VPS53: variants seen among roughly 807,000 people sequenced by gnomAD.
VPS53 encodes the protein VPS53 subunit of GARP complex, also known as vacuolar protein sorting-associated protein 53 homolog.
Under a neutral mutation model 107.0 loss-of-function variants are expected in VPS53, and 70 were observed. The ratio of observed to expected loss-of-function variants is 0.65; its 90% CI spans 0.54 to 0.80. The LOEUF (loss-of-function observed/expected upper bound fraction) is 0.80. VPS53 is among the 30% of genes least tolerant of loss of function. VPS53 has a pLI of 0.00. For synonymous variants in VPS53, 409 were observed against 393.3 expected (o/e 1.04, Z -0.47); for missense variants, 917 against 1,049.4 (o/e 0.87, Z 1.74).
At chr17:647,608 C>T (rs1449929217) in intron 7 of VPS53, among the ~76,000 whole-genome samples, 3 of 152,102 alleles carry the variant, frequency 2.0e-5, no homozygotes, top group Non-Finnish European at 2.9e-5. Flanking sequence ...GTCCTGTTCG[C>T]CTGCTTTCTT....
At chr17:704,690 T>C (rs1377040937) in intron 2 of VPS53, among the ~76,000 whole-genome samples, 4 of 152,172 alleles carry the variant, frequency 2.6e-5, no homozygotes, top group African/African-American at 9.7e-5. Flanking sequence ...TACATTATCA[T>C]ATACCTGGGG....
chr17:637,297 T>C (rs1679558988), intron 7 of VPS53, among the ~76,000 whole-genome samples: 2 of 152,260 alleles, frequency 1.3e-5, no homozygotes, highest in South Asian at 4.1e-4. Context: ...ATCTATTTGA[T>C]TCTTCTCTCT....
At chr17:534,012 G>T (rs1909815904) in intron 18 of VPS53, among the ~76,000 whole-genome samples, 1 of 151,978 alleles carries the variant, frequency 6.6e-6, no homozygotes, top group Non-Finnish European at 1.5e-5. Flanking sequence ...GCTAATTTTT[G>T]TATTTTTAGT....
At chr17:665,022 C>T (rs1042741127) in intron 4 of VPS53, among the ~76,000 whole-genome samples, 49 of 152,120 alleles carry the variant, frequency 3.2e-4, no homozygotes, top group African/African-American at 8.7e-4. Context: ...GGTGCCTGTG[C>T]TATGGCTGGA....
At chr17:680,555 C>T (rs919665095) in intron 4 of VPS53, among the ~76,000 whole-genome samples, 3 of 152,188 alleles carry the variant, frequency 2.0e-5, no homozygotes, top group African/African-American at 7.2e-5. Flanking sequence ...ATATTCAGTA[C>T]ATGCTGAGAG....
intron 12 of VPS53, among the ~76,000 whole-genome samples, chr17:594,317 T>TAATA (rs758401300): frequency 1.3e-5 from 2 of 152,276 alleles, no homozygotes; most frequent in African/African-American, 4.8e-5. Context: ...TAAAGTATAA[T>TAATA]AATAAATAAA....
intron 18 of VPS53, among the ~76,000 whole-genome samples, chr17:533,401 G>A (rs199747748): frequency 6.6e-6 from 1 of 152,164 alleles, no homozygotes; most frequent in East Asian, 1.9e-4. Flanking sequence ...GAGCCACTGG[G>A]CCAGGCTTCC....
At chr17:654,936 G>A (rs1030242927) in intron 6 of VPS53, among the ~76,000 whole-genome samples, 3 of 152,086 alleles carry the variant, frequency 2.0e-5, no homozygotes, top group African/African-American at 7.2e-5. Flanking sequence ...CCCTCTGGCC[G>A]CTGCTCTCAC....
At chr17:574,627 TG>T (rs1360516057) in intron 13 of VPS53, among the ~76,000 whole-genome samples, 1 of 151,948 alleles carries the variant, frequency 6.6e-6, no homozygotes, top group African/African-American at 2.4e-5. Flanking sequence ...TAGCCAGGTG[TG>T]GTGGTGTGTG....
chr17:681,473 G>A (rs186590832), intron 4 of VPS53, among the ~76,000 whole-genome samples: 19 of 152,292 alleles, frequency 1.2e-4, no homozygotes, highest in African/African-American at 4.3e-4. Flanking sequence ...CACTGCTGGG[G>A]TGTCTCTGCA....
intron 4 of VPS53, among the ~76,000 whole-genome samples, chr17:696,926 G>A (rs1358915539): frequency 1.3e-5 from 2 of 151,504 alleles, no homozygotes; most frequent in Admixed American, 6.6e-5. Context: ...CTGAGTAGCT[G>A]GGATTACAGG....
At chr17:619,782 C>T (rs1385774995) in intron 11 of VPS53, among the ~76,000 whole-genome samples, 2 of 141,604 alleles carry the variant, frequency 1.4e-5, no homozygotes, top group Admixed American at 6.9e-5. Flanking sequence ...CACCACGCCC[C>T]GCTAATATTT....
At chr17:679,253 C>T (rs904672511) in intron 4 of VPS53, among the ~76,000 whole-genome samples, 2 of 152,086 alleles carry the variant, frequency 1.3e-5, no homozygotes, top group Admixed American at 1.3e-4. Flanking sequence ...CGGTGGCTCA[C>T]ACCTGTCATC....
At chr17:701,716 A>G (rs989466210) in intron 2 of VPS53, among the ~76,000 whole-genome samples, 1 of 151,818 alleles carries the variant, frequency 6.6e-6, no homozygotes, top group Non-Finnish European at 1.5e-5. Flanking sequence ...GATAGCAAGT[A>G]TTTTTATAAT....
intron 17 of VPS53, among the ~76,000 whole-genome samples, chr17:541,254 C>T (rs142104876): frequency 6.6e-6 from 1 of 152,324 alleles, no homozygotes; most frequent in African/African-American, 2.4e-5. Flanking sequence ...TTATAGGTAC[C>T]TTCGGCAAGT....
At chr17:551,067 C>T (rs72808268) in intron 17 of VPS53, among the ~76,000 whole-genome samples, 15,577 of 151,836 alleles carry the variant, frequency 0.1, 876 homozygotes, top group Middle Eastern at 0.13. Flanking sequence ...AAAGATAATA[C>T]GTAAATAAAG....
intron 12 of VPS53, among the ~76,000 whole-genome samples, chr17:592,552 C>T (rs551475761): frequency 2.5e-4 from 38 of 152,114 alleles, no homozygotes; most frequent in East Asian, 1.4e-3. Flanking sequence ...CCATGTTTAG[C>T]GCTTCCTTCA....
rs1225737789 is a variant in VPS53, at chr17:512,848, C to A, written c.*6280G>T. The A allele has an allele frequency of 6.6e-6, 1 of 152,118 alleles. No individual in the cohort carries two copies. The highest frequency in any genetic ancestry group is 1.9e-4 in the East Asian group (1 of 5,198). The allele number at this position is 152,118 out of a possible 1,614,324, so 9.4% of individuals were successfully genotyped here. ...AGAGTTTTCATGGCAAAACGTCCAT[C>A]CAGCTACTAAGGAAACAGGATGGAC... On this transcript the variant is annotated 3_prime_UTR_variant, in exon 22 of 22. Coordinates refer to ENST00000437048, the MANE Select transcript of VPS53 (RefSeq NM_001128159.3).
intron 11 of VPS53, among the ~76,000 whole-genome samples, chr17:620,251 A>C (rs1407278248): frequency 6.6e-6 from 1 of 152,220 alleles, no homozygotes; most frequent in Non-Finnish European, 1.5e-5. Flanking sequence ...ACCGCTCTGC[A>C]GTCCATTGCC....
Sources: allele counts gnomAD v4.1 joint callset (sites outside exome capture counted in the v4.1 genomes callset), GRCh38; gene constraint gnomAD v4.1.1; transcripts MANE v1.5; gene names NCBI Gene and HGNC (gene_info 2026-07-23, HGNC 2026-07-21).